DIAPH3: variants seen among roughly 807,000 people sequenced by gnomAD.
DIAPH3 encodes protein diaphanous homolog 3.
DIAPH3 carries 117 observed loss-of-function variants against 144.3 expected under a neutral mutation model. That is an observed-to-expected ratio of 0.81 (90% CI 0.70 to 0.95). DIAPH3 has a LOEUF of 0.95. DIAPH3 is among the 40% of genes least tolerant of loss of function. DIAPH3 has a pLI of 0.00. For missense variants in DIAPH3, 1,421 were observed against 1,412.7 expected (o/e 1.01, Z -0.09); for synonymous variants, 519 against 488.9 (o/e 1.06, Z -0.81).
chr13:59,888,607 G>T (rs550265648), intron 20 of DIAPH3, among the ~76,000 whole-genome samples: 1 of 151,834 alleles, frequency 6.6e-6, no homozygotes, highest in African/African-American at 2.4e-5. Flanking sequence ...ACCCTGTTAC[G>T]CAATGTTTTT....
chr13:60,008,748 C>G, intron 8 of DIAPH3, 99 bp from the exon 9 acceptor site: 1 of 782,592 alleles, frequency 1.3e-6, no homozygotes. Context: ...CCTAAGCAGC[C>G]AATATATTTT....
chr13:60,012,133 CA>C lies in DIAPH3; in HGVS notation c.772-1465del, dbSNP rs2053312200. On this transcript the variant is annotated intron_variant, in intron 7 of 27. Transcript: ENST00000400324. ...TAAGCATTGAAGTTGAATCTATAAC[CA>C]GCTTAGACCCAAGTACTTTGATTGT... Among the ~76,000 whole-genome samples, 3 of 152,102 alleles carry C rather than the reference CA, an allele frequency of 2.0e-5. No individual in the cohort carries two copies. In the South Asian group the frequency reaches 6.2e-4, roughly 32 times the overall value.
intron 3 of DIAPH3, among the ~76,000 whole-genome samples, chr13:60,110,271 C>T (rs931782747): frequency 4.6e-5 from 7 of 152,188 alleles, no homozygotes; most frequent in African/African-American, 1.7e-4. Context: ...TAGATGCAAA[C>T]TTTAAATAGT....
chr13:59,954,958 G>T (rs1295213385), intron 17 of DIAPH3, among the ~76,000 whole-genome samples: 1 of 151,854 alleles, frequency 6.6e-6, no homozygotes, highest in Non-Finnish European at 1.5e-5. Context: ...AATTCAACAT[G>T]AGATTTGGGT....
At chr13:59,980,689 A>G in intron 14 of DIAPH3, 106 bp downstream of exon 14, 1 of 1,033,664 alleles carries the variant, frequency 9.7e-7, no homozygotes, top group Non-Finnish European at 1.5e-6. Flanking sequence ...CACACACCTG[A>G]AGCAGATAAA....
intron 20 of DIAPH3, among the ~76,000 whole-genome samples, chr13:59,907,126 T>A (rs2140212377): frequency 6.6e-6 from 1 of 152,342 alleles, no homozygotes; most frequent in Middle Eastern, 3.4e-3. Context: ...TATATTTTCA[T>A]TTGTTAATCT....
chr13:59,776,794 G>A (rs2038438235), intron 25 of DIAPH3, among the ~76,000 whole-genome samples: 1 of 152,118 alleles, frequency 6.6e-6, no homozygotes, highest in South Asian at 2.1e-4. Flanking sequence ...AAAAGCTGGA[G>A]CAGATGTGTA....
intron 27 of DIAPH3, among the ~76,000 whole-genome samples, chr13:59,690,565 C>T (rs779310622): frequency 2.0e-5 from 3 of 152,132 alleles, no homozygotes; most frequent in Non-Finnish European, 4.4e-5. Flanking sequence ...CATAGTGTTA[C>T]AGCTACATTA....
chr13:59,703,366 A>G lies in DIAPH3; in HGVS notation c.3320-36520T>C, dbSNP rs187886576. Among the ~76,000 whole-genome samples, 465 of 152,384 alleles carry G rather than the reference A, an allele frequency of 3.1e-3. 2 individuals carry two copies. Among genetic ancestry groups the G allele is most frequent in the African/African-American group, 9.8e-3 (409 of 41,594 alleles). On this transcript the variant is annotated intron_variant, in intron 27 of 27. Coordinates refer to ENST00000400324, the MANE Select transcript of DIAPH3 (RefSeq NM_001042517.2). ...TGTTTAAGTAACATACGTGTTCCAC[A>G]TTAGGAGTCTATCGGACAATGCAGT...
chr13:60,026,068 T>C (rs2054351237), intron 5 of DIAPH3, among the ~76,000 whole-genome samples: 1 of 152,178 alleles, frequency 6.6e-6, no homozygotes, highest in Admixed American at 6.5e-5. Flanking sequence ...ATAAGAAATG[T>C]ATGTACATAT....
intron 27 of DIAPH3, among the ~76,000 whole-genome samples, chr13:59,716,550 A>ACATG (rs2035072828): frequency 6.6e-6 from 1 of 152,242 alleles, no homozygotes; most frequent in African/African-American, 2.4e-5. Context: ...TCTCATGGAG[A>ACATG]CATGCTCTGT....
intron 9 of DIAPH3, 57 bp from the exon 10 acceptor site, chr13:59,992,640 C>T (rs2051906816): frequency 7.5e-7 from 1 of 1,329,074 alleles, no homozygotes; most frequent in Non-Finnish European, 1.1e-6. Flanking sequence ...GAAAGAGTAA[C>T]AAACGTAAAC....
intron 3 of DIAPH3, among the ~76,000 whole-genome samples, chr13:60,096,441 T>C (rs2058106462): frequency 6.6e-6 from 1 of 152,126 alleles, no homozygotes. Flanking sequence ...AAAAAAGTGG[T>C]TGTGATTGTT....
chr13:59,965,157 G>A (rs981548825), intron 17 of DIAPH3, among the ~76,000 whole-genome samples: 6 of 152,132 alleles, frequency 3.9e-5, no homozygotes, highest in Non-Finnish European at 5.9e-5. Flanking sequence ...ACTGAACTAT[G>A]ATGTCAGAAA....
intron 27 of DIAPH3, among the ~76,000 whole-genome samples, chr13:59,697,491 A>AAG (rs1593602814): frequency 6.0e-4 from 47 of 78,072 alleles, no homozygotes; most frequent in East Asian, 5.2e-3. Flanking sequence ...AAAAAAAAAA[A>AAG]AAGAAGAGGG....
At chr13:60,053,179 A>C (rs2056425198) in intron 4 of DIAPH3, among the ~76,000 whole-genome samples, 1 of 151,936 alleles carries the variant, frequency 6.6e-6, no homozygotes, top group Non-Finnish European at 1.5e-5. Context: ...TTTTAAGAAC[A>C]GCTCTTGTAT....
chr13:59,928,821 C>T (rs1030772532), intron 17 of DIAPH3, among the ~76,000 whole-genome samples: 11 of 152,082 alleles, frequency 7.2e-5, no homozygotes, highest in East Asian at 5.8e-4. Context: ...CCTTCATCCC[C>T]GGGGCAGCAA....
At chr13:60,143,958 A>G (rs1008221598) in intron 1 of DIAPH3, among the ~76,000 whole-genome samples, 1 of 152,204 alleles carries the variant, frequency 6.6e-6, no homozygotes, top group African/African-American at 2.4e-5. Flanking sequence ...AGGGTGGATC[A>G]ACCTTCATTA....
chr13:59,743,686 T>C (rs1299426102), intron 27 of DIAPH3, among the ~76,000 whole-genome samples: 3 of 152,228 alleles, frequency 2.0e-5, no homozygotes, highest in Non-Finnish European at 1.5e-5. Flanking sequence ...TTTGATTCTA[T>C]GACAACTGCC....
Sources: gnomAD v4.1 joint callset for allele counts (sites outside exome capture counted in the v4.1 genomes callset) on GRCh38, gnomAD v4.1.1 for gene constraint, MANE v1.5 for transcripts, NCBI Gene and HGNC (gene_info 2026-07-23, HGNC 2026-07-21) for gene names.